CELSR2: variants seen among roughly 807,000 people sequenced by gnomAD.
The protein encoded by CELSR2 is cadherin EGF LAG seven-pass G-type receptor 2.
CELSR2 carries 81 observed loss-of-function variants against 251.6 expected under a neutral mutation model. The ratio of observed to expected loss-of-function variants is 0.32; its 90% CI spans 0.27 to 0.39. The LOEUF is 0.39. Among genes scored for constraint, CELSR2 ranks in the 10% least tolerant of loss-of-function variants. CELSR2 has a pLI of 1.00. For missense variants in CELSR2, 3,365 were observed against 3,947.7 expected (o/e 0.85, Z 3.96); for synonymous variants, 1,721 against 1,670.5 (o/e 1.03, Z -0.74).
intron 24 of CELSR2, 47 bp from the exon 25 acceptor site, chr1:109,270,880 G>A (rs763203778): frequency 3.6e-6 from 5 of 1,402,082 alleles, no homozygotes; most frequent in Admixed American, 3.7e-5. Context: ...CTACTTCCCA[G>A]GCCCCTCATC....
intron 17 of CELSR2, 115 bp downstream of exon 17, chr1:109,268,175 C>T: frequency 7.0e-7 from 1 of 1,429,128 alleles, no homozygotes; most frequent in South Asian, 1.4e-5. Flanking sequence ...CAAGGAGCTC[C>T]CTGCTGGCAG....
chr1:109,262,353 G>A lies in CELSR2; in HGVS notation c.4453G>A (p.Asp1485Asn), dbSNP rs1156259026. The change falls in exon 6 of 34, where the codon GAT becomes AAT. Residue 1485 changes from aspartate (D) to asparagine (N), a missense_variant. Physicochemically the swap from Asp to Asn is conservative, Grantham distance 23. Coordinates refer to ENST00000271332, the MANE Select transcript of CELSR2 (RefSeq NM_001408.3). Reference sequence around the variant, plus strand: ...GCAGAAGGTGGCTGTGGTGACCGTGGATGGCTGTGACACAGGAGTGGCCTT... The same window carrying A: ...GCAGAAGGTGGCTGTGGTGACCGTGAATGGCTGTGACACAGGAGTGGCCTT... ...SEQKVAVVTV[D>N]GCDTGVALRF... 6.2e-7 allele frequency: 1 copy of A among 1,614,222 alleles called. No individual in the cohort carries two copies. The highest frequency in any genetic ancestry group is 2.2e-5 in the East Asian group (1 of 44,888).
rs199697572 is a variant in CELSR2, at chr1:109,269,305, G to A, written c.6812+15G>A. ...CGCAGCTTGAGGTCAGCAGCTAGGG[G>A]ACAGGTGTGGGTAGGGGTATGGGTC... On this transcript the variant is annotated intron_variant, in intron 20 of 33. Coordinates refer to ENST00000271332, the MANE Select transcript of CELSR2 (RefSeq NM_001408.3). The surrounding 1 kb of genome is among the most constrained non-coding windows in gnomAD (Gnocchi z 6.4). 7.1e-5 allele frequency: 115 copies of A among 1,612,892 alleles called. No individual in the cohort carries two copies. The East Asian group carries it at 1.5e-3, about 22-fold the overall frequency.
Position 109,263,629 on chromosome 1 carries a change from A to T in CELSR2, c.4853A>T (p.His1618Leu). 1 of 1,613,946 alleles carries T rather than the reference A, an allele frequency of 6.2e-7. No homozygotes were observed. The highest frequency in any genetic ancestry group is 2.2e-5 in the East Asian group (1 of 44,870). Residue 1618 changes from histidine to leucine, a missense_variant, in exon 9 of 34, where the codon CAC (histidine) becomes CTC (leucine). By Grantham distance (99) the His-to-Leu change is moderately conservative (BLOSUM62 -3). Coordinates refer to ENST00000271332, the MANE Select transcript of CELSR2 (RefSeq NM_001408.3). ...TCCCCAGAAATGGCCAATCCACAGC[A>T]CTTCCTGGGCAGCAGCCTGGTGGCC... ...SCAQEMANPQ[H>L]FLGSSLVAWH...
chr1:109,262,880 G>A lies in CELSR2; in HGVS notation c.4619G>A (p.Arg1540Gln), dbSNP rs150273941. The change falls in exon 7 of 34, where the codon CGG becomes CAG. Residue 1540 changes from arginine (R) to glutamine (Q), a missense_variant. Arg to Gln is a conservative substitution (Grantham distance 43). Coordinates refer to ENST00000271332, the MANE Select transcript of CELSR2 (RefSeq NM_001408.3). ...DLPESFPVRM[R>Q]QFVGCMRNLQ... ...CCCGAGAGCTTCCCAGTCCGAATGC[G>A]GCAGTTCGTGGGCTGCATGCGGAAC... 1.2e-5 allele frequency: 19 copies of A among 1,613,814 alleles called. No homozygotes were observed. The East Asian group carries it at 1.3e-4, about 11-fold the overall frequency.
Position 109,268,760 on chromosome 1 carries a change from C to T in CELSR2, c.6498C>T (p.Asn2166=). 1.9e-6 allele frequency: 3 copies of T among 1,599,136 alleles called. No homozygotes were observed. Among genetic ancestry groups the T allele is most frequent in the Non-Finnish European group, 2.6e-6 (3 of 1,168,666 alleles). The part of the protein sequence containing the change: ...YLSPFTIVTP[N]IVISVVRLDK... ...GCCCCTTCACCATCGTCACGCCCAA[C>T]ATTGGTAAGGCTGGTGCCTGGGTTG... Residue 2166 remains asparagine (N), a synonymous_variant, in exon 18 of 34, where the codon AAC becomes AAT. Coordinates refer to ENST00000271332, the MANE Select transcript of CELSR2 (RefSeq NM_001408.3).
rs565216430 is a variant in CELSR2, at chr1:109,252,653, C to T, written c.2574C>T (p.Asp858=). 2.4e-5 allele frequency: 38 copies of T among 1,613,876 alleles called. No homozygotes were observed. The highest frequency in any genetic ancestry group is 1.2e-4 in the South Asian group (11 of 91,092). ...TCTTCTACACCTTCCAAGGAGGCGA[C>T]GATGGAGACGGTGACTTTATTGTTG... The part of the protein sequence containing the change: ...GRVFYTFQGG[D]DGDGDFIVES... The change falls in exon 1 of 34, where the codon GAC becomes GAT. Residue 858 remains aspartate (D), a synonymous_variant. Coordinates refer to ENST00000271332, the MANE Select transcript of CELSR2 (RefSeq NM_001408.3). The surrounding 1 kb of genome is among the most constrained non-coding windows in gnomAD (Gnocchi z 4.8).
At position 109,262,346 on chromosome 1, in the gene CELSR2, G is replaced by A. The variant is rs775996406; in HGVS notation, c.4446G>A (p.Val1482=). The A allele has an allele frequency of 4.3e-6, 7 of 1,614,204 alleles. No individual in the cohort carries two copies. The East Asian group carries it at 1.3e-4, about 31-fold the overall frequency. The part of the protein sequence containing the change: ...QGPSEQKVAV[V]TVDGCDTGVA... ...CATCAGAGCAGAAGGTGGCTGTGGT[G>A]ACCGTGGATGGCTGTGACACAGGAG... Residue 1482 remains valine, a synonymous_variant, in exon 6 of 34, where the codon GTG becomes GTA. Coordinates refer to ENST00000271332, the MANE Select transcript of CELSR2 (RefSeq NM_001408.3).
At chr1:109,254,140 C>A (rs1374427555) in intron 1 of CELSR2, among the ~76,000 whole-genome samples, 2 of 152,196 alleles carry the variant, frequency 1.3e-5, no homozygotes, top group Non-Finnish European at 2.9e-5. Context: ...GCCTCGTGGG[C>A]CCCCCTTGCC....
intron 26 of CELSR2, 29 bp from the exon 27 acceptor site, chr1:109,271,357 C>G: frequency 1.9e-6 from 3 of 1,613,592 alleles, no homozygotes; most frequent in Non-Finnish European, 2.5e-6. Context: ...GGTCTCATGG[C>G]CGGACTCATG....
intron 1 of CELSR2, among the ~76,000 whole-genome samples, chr1:109,257,462 G>A (rs543034862): frequency 6.6e-6 from 1 of 152,214 alleles, no homozygotes; most frequent in South Asian, 2.1e-4. Context: ...ATGTGTATGT[G>A]CATTCAGGTG....
chr1:109,273,351 C>G lies in CELSR2; in HGVS notation c.8509+15C>G, dbSNP rs1237347575. 1 of 1,601,852 alleles carries G rather than the reference C, an allele frequency of 6.2e-7. No homozygotes were observed. The highest frequency in any genetic ancestry group is 1.3e-5 in the African/African-American group (1 of 74,812). On this transcript the variant is annotated intron_variant, in intron 32 of 33. Coordinates refer to ENST00000271332, the MANE Select transcript of CELSR2 (RefSeq NM_001408.3). ...GCCTCACAAAGGTGAGTGGGGCACC[C>G]CCAGCTGCCGAGCTCCCCTAGTCAG...
intron 2 of CELSR2, 49 bp from the exon 3 acceptor site, chr1:109,260,993 C>G (rs773551699): frequency 6.9e-7 from 1 of 1,458,740 alleles, no homozygotes; most frequent in Non-Finnish European, 9.5e-7. Flanking sequence ...TCTCAGTTCC[C>G]CTCCTGTCCT....
chr1:109,266,721 C>CTT (rs36115271), intron 15 of CELSR2, among the ~76,000 whole-genome samples: 13 of 120,120 alleles, frequency 1.1e-4, no homozygotes, highest in African/African-American at 3.1e-4. Flanking sequence ...ACATTTTGGA[C>CTT]TTTTTTTTTT....
Position 109,267,656 on chromosome 1 carries a change from C to T in CELSR2, c.6108+14C>T, listed in dbSNP as rs878867456. ...CTGAAGGGCTTCGTAAGTGAACCCC[C>T]TCATCTCCATCTTTTCCCTGTCCTT... On this transcript the variant is annotated intron_variant, in intron 16 of 33. Coordinates refer to ENST00000271332, the MANE Select transcript of CELSR2 (RefSeq NM_001408.3). 6.2e-7 allele frequency: 1 copy of T among 1,613,786 alleles called. No individual in the cohort carries two copies. The highest frequency in any genetic ancestry group is 1.1e-5 in the South Asian group (1 of 91,042).
At position 109,269,552 on chromosome 1, in the gene CELSR2, G is replaced by C. The variant is rs774014183; in HGVS notation, c.6941G>C (p.Arg2314Pro). The C allele has an allele frequency of 6.2e-7, 1 of 1,614,072 alleles. No homozygotes were observed. Among genetic ancestry groups the C allele is most frequent in the Admixed American group, 1.7e-5 (1 of 60,022 alleles). Reference protein sequence around the residue: ...VQFRLLETEERTKPICVFWNH... With the variant: ...VQFRLLETEEPTKPICVFWNH... ...TTCCGCCTGCTGGAGACAGAGGAGC[G>C]GACCAAGCCCATCTGTGTCTTCTGG... The change falls in exon 21 of 34, where the codon CGG (arginine) becomes CCG (proline). Residue 2314 changes from arginine (R) to proline (P), a missense_variant. Arg to Pro is a moderately radical substitution (Grantham distance 103). This residue lies in a region of CELSR2 where 2,093 missense variants were observed against 2,382.8 expected (regional missense o/e 0.88). Coordinates refer to ENST00000271332, the MANE Select transcript of CELSR2 (RefSeq NM_001408.3). This position sits in a 1 kb window ranked among gnomAD's most constrained non-coding sequence, Gnocchi z 6.4.
rs1249228625 is a variant in CELSR2 at position 109,259,250 on chromosome 1, GC to G, written c.3958+172del. The stretch of plus-strand genomic sequence containing the variant: ...CCCTGACAGCACCCCACTGAGGAAG[GC>G]AGTGCAAGGAGTGCTTCTCCCTGCT... On this transcript the variant is annotated intron_variant, in intron 2 of 33. Transcript: ENST00000271332. Among the ~76,000 whole-genome samples, 4 of 152,262 alleles carry G rather than the reference GC, an allele frequency of 2.6e-5. No homozygotes were observed. The East Asian group carries it at 7.7e-4, about 29-fold the overall frequency.
In CELSR2 at chr1:109,258,671, AGCCTGTCGGTGGGCCAGCCGCCAGG is replaced by A; in HGVS notation, c.3554_3578del (p.Leu1185ProfsTer24). The A allele has an allele frequency of 6.5e-7, 1 of 1,548,392 alleles. No individual in the cohort carries two copies. The highest frequency in any genetic ancestry group is 8.7e-7 in the Non-Finnish European group (1 of 1,145,304). The stretch of plus-strand genomic sequence containing the variant: ...CCCCGGGGGCCACATCCTCAACGTG[AGCCTGTCGGTGGGCCAGCCGCCAGG>A]GCCCGGGGGCGGGCCGCCCTTCCTG... On this transcript the variant is annotated frameshift_variant, in exon 2 of 34. Coordinates refer to ENST00000271332, the MANE Select transcript of CELSR2 (RefSeq NM_001408.3). LOFTEE classifies it high-confidence loss of function.
intron 10 of CELSR2, 35 bp from the exon 11 acceptor site, chr1:109,264,419 T>C (rs1656131615): frequency 6.5e-7 from 1 of 1,546,572 alleles, no homozygotes; most frequent in African/African-American, 1.4e-5. Flanking sequence ...GCAGCCCCGC[T>C]CCACTGAGGG....
Sources: gnomAD v4.1 joint callset for allele counts (sites outside exome capture counted in the v4.1 genomes callset) on GRCh38, gnomAD v4.1.1 for gene constraint, gnomAD v4.1.1 regional missense constraint, Gnocchi (gnomAD v3.1) non-coding constraint, MANE v1.5 for transcripts, NCBI Gene and HGNC (gene_info 2026-07-23, HGNC 2026-07-21) for gene names.